SPAG16: variants seen among roughly 807,000 people sequenced by gnomAD.
SPAG16 encodes sperm associated antigen 16, also known as sperm-associated antigen 16 protein.
Under a neutral mutation model 80.4 loss-of-function variants are expected in SPAG16, and 86 were observed. The ratio of observed to expected loss-of-function variants is 1.07; its 90% CI spans 0.90 to 1.28. SPAG16 has a LOEUF of 1.28. Ranked by LOEUF, SPAG16 falls within the 50% of genes most tolerant of loss-of-function variation. The pLI, the probability that SPAG16 is intolerant of heterozygous loss-of-function variation, is 0.00. For missense variants in SPAG16, 870 were observed against 765.3 expected (o/e 1.14, Z -1.61); for synonymous variants, 294 against 265.9 (o/e 1.11, Z -1.03).
intron 14 of SPAG16, among the ~76,000 whole-genome samples, chr2:214,129,001 C>A (rs1424942076): frequency 6.6e-6 from 1 of 151,818 alleles, no homozygotes; most frequent in African/African-American, 2.4e-5. Flanking sequence ...TTAGGGCAGT[C>A]CTCACTTTCC....
chr2:213,451,994 C>T (rs926707599), intron 9 of SPAG16, among the ~76,000 whole-genome samples: 3 of 151,812 alleles, frequency 2.0e-5, no homozygotes, highest in Admixed American at 6.6e-5. Flanking sequence ...CTCAGCTTCC[C>T]TATCTTTGTG....
chr2:213,813,025 T>C (rs1459423332), intron 10 of SPAG16, among the ~76,000 whole-genome samples: 1 of 152,208 alleles, frequency 6.6e-6, no homozygotes, highest in African/African-American at 2.4e-5. Context: ...CTTCATTCCA[T>C]GACTTAAAAT....
intron 15 of SPAG16, among the ~76,000 whole-genome samples, chr2:214,341,135 C>T (rs549910912): frequency 1.3e-5 from 2 of 151,996 alleles, no homozygotes; most frequent in Admixed American, 1.3e-4. Context: ...AAGAAAGAAC[C>T]GTCCTAGGTG....
At chr2:213,805,492 A>G (rs1015961425) in intron 10 of SPAG16, among the ~76,000 whole-genome samples, 1 of 152,242 alleles carries the variant, frequency 6.6e-6, no homozygotes, top group South Asian at 2.1e-4. Context: ...CAAGGCCAAT[A>G]GAGATAAGAT....
At chr2:213,540,888 C>T (rs1362055698) in intron 10 of SPAG16, among the ~76,000 whole-genome samples, 1 of 152,206 alleles carries the variant, frequency 6.6e-6, no homozygotes, top group Non-Finnish European at 1.5e-5. Context: ...GGGTTACATA[C>T]ACACACCAAA....
chr2:213,873,255 G>T (rs1341404027), intron 11 of SPAG16, among the ~76,000 whole-genome samples: 2 of 151,832 alleles, frequency 1.3e-5, no homozygotes, highest in Non-Finnish European at 2.9e-5. Context: ...CTCTATCCAG[G>T]TTATCTAATT....
intron 10 of SPAG16, among the ~76,000 whole-genome samples, chr2:213,506,645 C>T (rs960048943): frequency 1.1e-4 from 17 of 152,272 alleles, no homozygotes; most frequent in African/African-American, 4.1e-4. Context: ...GACTATTTAT[C>T]ACCTGAACCA....
chr2:214,101,723 C>T (rs138433179), intron 13 of SPAG16, among the ~76,000 whole-genome samples: 4 of 152,240 alleles, frequency 2.6e-5, no homozygotes, highest in Admixed American at 6.5e-5. Flanking sequence ...GACTCTGCCA[C>T]TTTTTATTTG....
chr2:213,922,128 T>C (rs2078253094), intron 11 of SPAG16, among the ~76,000 whole-genome samples: 1 of 152,214 alleles, frequency 6.6e-6, no homozygotes, highest in Admixed American at 6.5e-5. Context: ...TCCAAGTTGC[T>C]TACTTTCCCC....
chr2:213,930,117 A>G lies in SPAG16; in HGVS notation c.1372A>G (p.Lys458Glu). 6.2e-7 allele frequency: 1 copy of G among 1,613,750 alleles called. No homozygotes were observed. ...TTTTGTGGCTTCCTCCTCACTGGATAAAACTAGCAAAATTTGGGATGTTAA... is the reference window on the plus strand; with the variant it reads ...TTTTGTGGCTTCCTCCTCACTGGATGAAACTAGCAAAATTTGGGATGTTAA... ...GNFVASSSLD[K>E]TSKIWDVNSE... Residue 458 changes from lysine to glutamate, a missense_variant, in exon 12 of 16, where the codon AAA (lysine) becomes GAA (glutamate). Coordinates refer to ENST00000331683, the MANE Select transcript of SPAG16 (RefSeq NM_024532.5).
intron 10 of SPAG16, among the ~76,000 whole-genome samples, chr2:213,738,482 C>T (rs2067395255): frequency 6.6e-6 from 1 of 152,100 alleles, no homozygotes; most frequent in African/African-American, 2.4e-5. Flanking sequence ...TATTTCATAA[C>T]AGTAGCTACA....
intron 1 of SPAG16, 109 bp downstream of exon 1, chr2:213,284,728 G>A (rs570956237): frequency 7.1e-7 from 1 of 1,416,022 alleles, no homozygotes; most frequent in East Asian, 2.5e-5. Context: ...GGCCACTCCG[G>A]AGGAGCCTCT....
At chr2:213,906,077 T>C (rs2077420120) in intron 11 of SPAG16, among the ~76,000 whole-genome samples, 1 of 152,164 alleles carries the variant, frequency 6.6e-6, no homozygotes, top group African/African-American at 2.4e-5. Flanking sequence ...GAAGGTCTTA[T>C]GTGCTTTGGC....
intron 11 of SPAG16, among the ~76,000 whole-genome samples, chr2:213,884,240 G>T (rs1229685137): frequency 6.6e-6 from 1 of 152,116 alleles, no homozygotes; most frequent in African/African-American, 2.4e-5. Context: ...GTCTGAGAAA[G>T]ATTTTATTTC....
intron 15 of SPAG16, among the ~76,000 whole-genome samples, chr2:214,291,093 C>T (rs528056646): frequency 6.6e-6 from 1 of 152,086 alleles, no homozygotes; most frequent in South Asian, 2.1e-4. Flanking sequence ...CTTAAACAAT[C>T]TCTTTGTCAT....
chr2:213,496,841 A>C (rs2074515646), intron 10 of SPAG16, among the ~76,000 whole-genome samples: 1 of 151,366 alleles, frequency 6.6e-6, no homozygotes. Context: ...ATATTTTGAA[A>C]ATAATTATAG....
intron 15 of SPAG16, among the ~76,000 whole-genome samples, chr2:214,335,051 C>G (rs1185530575): frequency 6.6e-6 from 1 of 152,116 alleles, no homozygotes; most frequent in Non-Finnish European, 1.5e-5. Flanking sequence ...GAAGCAAAAC[C>G]GATGAGGAAG....
At chr2:213,512,346 G>A (rs1006259016) in intron 10 of SPAG16, among the ~76,000 whole-genome samples, 1 of 152,074 alleles carries the variant, frequency 6.6e-6, no homozygotes, top group African/African-American at 2.4e-5. Context: ...TTGTCATATC[G>A]TATTGCAAGA....
At chr2:214,263,653 A>T (rs188582742) in intron 15 of SPAG16, among the ~76,000 whole-genome samples, 5 of 152,312 alleles carry the variant, frequency 3.3e-5, no homozygotes, top group Admixed American at 6.5e-5. Context: ...TTCAGGCTTA[A>T]CATCAGCATA....
Sources: gnomAD v4.1 joint callset for allele counts (sites outside exome capture counted in the v4.1 genomes callset) on GRCh38, gnomAD v4.1.1 for gene constraint, MANE v1.5 for transcripts, NCBI Gene and HGNC (gene_info 2026-07-23, HGNC 2026-07-21) for gene names.